GDPD4: variants seen among roughly 807,000 people sequenced by gnomAD.
GDPD4 encodes the protein glycerophosphodiester phosphodiesterase domain containing 4, also known as glycerophosphodiester phosphodiesterase 6.
GDPD4 carries 60 observed loss-of-function variants against 67.8 expected under a neutral mutation model. That is an observed-to-expected ratio of 0.88 (90% confidence interval 0.72 to 1.10). The LOEUF is 1.10. Among genes scored for constraint, GDPD4 ranks in the 50% least tolerant of loss-of-function variants. The probability of loss-of-function intolerance (pLI) is 0.00; values close to 1 mark genes in which losing one functional copy is unlikely to be tolerated. For missense variants in GDPD4, 623 were observed against 613.9 expected, an observed-to-expected ratio of 1.01 and a Z score of -0.16; for synonymous variants, 212 against 210.9, an observed-to-expected ratio of 1.00 and a Z score of -0.04.
chr11:77,217,220 C>A lies in GDPD4; in HGVS notation c.*57G>T. The A allele has an allele frequency of 7.5e-7, 1 of 1,339,748 alleles. No homozygotes were observed. The highest frequency in any genetic ancestry group is 1.4e-5 in the African/African-American group (1 of 69,532). The allele number at this position is 1,339,748 out of a possible 1,614,324, so 83.0% of individuals were successfully genotyped here. The stretch of plus-strand genomic sequence containing the variant: ...AGCCGGGTAGAGGGCTGCTAGAGTC[C>A]AAGGACCTTCCACAACTCGGACAGG... On this transcript the variant is annotated 3_prime_UTR_variant, in exon 17 of 17. Transcript: ENST00000315938.
chr11:77,285,876 T>C (rs532605681), intron 2 of GDPD4, among the ~76,000 whole-genome samples: 1 of 152,322 alleles, frequency 6.6e-6, no homozygotes, highest in South Asian at 2.1e-4. Context: ...GTTATCATTA[T>C]GGAGAAGGTA....
At chr11:77,240,311 TAG>T (rs1461939817) in intron 13 of GDPD4, among the ~76,000 whole-genome samples, 1 of 152,060 alleles carries the variant, frequency 6.6e-6, no homozygotes, top group African/African-American at 2.4e-5. Context: ...TGGAACAGAA[TAG>T]AGAGCCCAGA....
intron 1 of GDPD4, among the ~76,000 whole-genome samples, chr11:77,288,704 T>C (rs1423064888): frequency 6.6e-6 from 1 of 152,180 alleles, no homozygotes; most frequent in Non-Finnish European, 1.5e-5. Context: ...AGGCAACTGT[T>C]ACAGCAGATG....
chr11:77,287,468 T>A (rs562086410), intron 1 of GDPD4, 48 bp from the exon 2 acceptor site: 1 of 152,234 alleles, frequency 6.6e-6, no homozygotes, highest in Non-Finnish European at 1.5e-5. Context: ...CTCCCCTTAA[T>A]GTACCTTATC....
chr11:77,238,879 C>T (rs937503966), intron 13 of GDPD4, among the ~76,000 whole-genome samples: 4 of 152,028 alleles, frequency 2.6e-5, no homozygotes, highest in African/African-American at 4.8e-5. Flanking sequence ...AAGCAAGATA[C>T]GGACACTACA....
At chr11:77,229,658 G>A (rs531487683) in intron 14 of GDPD4, among the ~76,000 whole-genome samples, 1 of 152,308 alleles carries the variant, frequency 6.6e-6, no homozygotes, top group African/African-American at 2.4e-5. Flanking sequence ...AGGTTTCTGG[G>A]TCTCACTAGA....
At chr11:77,233,577 G>A (rs1041927988) in intron 13 of GDPD4, among the ~76,000 whole-genome samples, 15 of 152,030 alleles carry the variant, frequency 9.9e-5, no homozygotes, top group African/African-American at 3.6e-4. Context: ...CCAATTTGCA[G>A]AGTTTCTGAA....
chr11:77,250,153 T>C (rs1958861869), intron 11 of GDPD4, among the ~76,000 whole-genome samples: 1 of 152,180 alleles, frequency 6.6e-6, no homozygotes, highest in South Asian at 2.1e-4. Flanking sequence ...CCTGGGTATA[T>C]TGCATGATGC....
In GDPD4 at chr11:77,255,168, TA is replaced by T. The variant is rs34894831; in HGVS notation, c.864+3217del. 3.4e-3 allele frequency among the ~76,000 whole-genome samples: 514 copies of T among 151,908 alleles called. 1 individual carries two copies. The highest frequency in any genetic ancestry group is 0.012 in the African/African-American group (477 of 41,392). On this transcript the variant is annotated intron_variant, in intron 11 of 16. Transcript: ENST00000315938. The stretch of plus-strand genomic sequence containing the variant: ...CATGCTAAAACAGAGCTATTAATGC[TA>T]AAAAAATGCCTACCAAAAGTCACTG...
chr11:77,300,143 CTG>C (rs1362360370), intron 1 of GDPD4, among the ~76,000 whole-genome samples: 1 of 145,172 alleles, frequency 6.9e-6, no homozygotes, highest in African/African-American at 2.9e-5. Context: ...ATTACCAGCT[CTG>C]CCCTGACTCA....
intron 11 of GDPD4, 60 bp from the exon 12 acceptor site, chr11:77,245,562 C>T (rs539232786): frequency 2.7e-6 from 3 of 1,127,952 alleles, no homozygotes; most frequent in East Asian, 2.4e-5. Context: ...TACTATGTAG[C>T]CACACATCCA....
At chr11:77,247,652 CAAATAA>C (rs1246821785) in intron 11 of GDPD4, among the ~76,000 whole-genome samples, 2 of 152,142 alleles carry the variant, frequency 1.3e-5, no homozygotes, top group African/African-American at 4.8e-5. Context: ...TCTGGTTCCT[CAAATAA>C]AAATAAGATT....
intron 11 of GDPD4, 93 bp downstream of exon 11, chr11:77,258,293 C>G: frequency 1.9e-4 from 216 of 1,140,082 alleles, no homozygotes; most frequent in Non-Finnish European, 2.7e-4. Context: ...GGATACTTGC[C>G]TATCTTCATC....
chr11:77,295,865 A>G (rs951635807), intron 1 of GDPD4, among the ~76,000 whole-genome samples: 10 of 152,206 alleles, frequency 6.6e-5, no homozygotes, highest in Admixed American at 5.9e-4. Context: ...CTATATTTTG[A>G]TGGTACTTAC....
chr11:77,287,839 C>G lies in GDPD4; in HGVS notation c.-253-419G>C, dbSNP rs148524146. Among the ~76,000 whole-genome samples, 7 of 152,314 alleles carry G rather than the reference C, an allele frequency of 4.6e-5. No homozygotes were observed. The East Asian group carries it at 1.3e-3, about 29-fold the overall frequency. Reference sequence around the variant, plus strand: ...TTGACTAATAAGTGACTCAGACACACAGCTGGCTGCTCCTTCCCTTTCTCT... The same window carrying G: ...TTGACTAATAAGTGACTCAGACACAGAGCTGGCTGCTCCTTCCCTTTCTCT... On this transcript the variant is annotated intron_variant, in intron 1 of 16. Transcript: ENST00000315938.
chr11:77,239,926 C>T (rs902521876), intron 13 of GDPD4, among the ~76,000 whole-genome samples: 1 of 149,058 alleles, frequency 6.7e-6, no homozygotes, highest in African/African-American at 2.5e-5. Flanking sequence ...TGTGCCACTG[C>T]ACTCCAGCCT....
chr11:77,275,944 G>T (rs1343841488), intron 5 of GDPD4, among the ~76,000 whole-genome samples: 2 of 152,086 alleles, frequency 1.3e-5, no homozygotes, highest in African/African-American at 2.4e-5. Context: ...TAAGAGTTTG[G>T]GTTCAGCTCG....
chr11:77,255,340 G>T (rs917130699), intron 11 of GDPD4, among the ~76,000 whole-genome samples: 5 of 152,168 alleles, frequency 3.3e-5, no homozygotes, highest in Admixed American at 1.3e-4. Context: ...GCTGAGGCAG[G>T]TGGATCACCT....
chr11:77,271,788 A>C (rs1959233811), intron 5 of GDPD4, among the ~76,000 whole-genome samples: 1 of 152,226 alleles, frequency 6.6e-6, no homozygotes, highest in African/African-American at 2.4e-5. Flanking sequence ...TAAGTAAATA[A>C]TACTCTGTAA....
Sources: allele counts gnomAD v4.1 joint callset (sites outside exome capture counted in the v4.1 genomes callset), GRCh38; gene constraint gnomAD v4.1.1; transcripts MANE v1.5; gene names NCBI Gene and HGNC (gene_info 2026-07-23, HGNC 2026-07-21).